CACNB4: variants seen among roughly 807,000 people sequenced by gnomAD.
CACNB4 encodes calcium voltage-gated channel auxiliary subunit beta 4.
Under a neutral mutation model 71.2 loss-of-function variants are expected in CACNB4, and 32 were observed. The ratio of observed to expected loss-of-function variants is 0.45; its 90% CI spans 0.34 to 0.60. The LOEUF (loss-of-function observed/expected upper bound fraction) is 0.60. CACNB4 is among the 20% of genes least tolerant of loss of function. CACNB4 has a pLI of 0.01. For synonymous variants in CACNB4, 231 were observed against 236.9 expected (o/e 0.97, Z 0.23); for missense variants, 464 against 647.9 (o/e 0.72, Z 3.08).
intron 2 of CACNB4, among the ~76,000 whole-genome samples, chr2:151,993,132 A>G (rs1304991503): frequency 6.9e-6 from 1 of 144,438 alleles, no homozygotes; most frequent in Non-Finnish European, 1.5e-5. Flanking sequence ...AGAGTCAGAG[A>G]CAGTAAGCCA....
At chr2:152,051,217 G>A (rs944470198) in intron 2 of CACNB4, among the ~76,000 whole-genome samples, 6 of 152,070 alleles carry the variant, frequency 3.9e-5, no homozygotes, top group Non-Finnish European at 8.8e-5. Flanking sequence ...CCTACCCAGC[G>A]GCCCAGCTTT....
At chr2:151,895,096 C>CCCA (rs762464510) in intron 2 of CACNB4, among the ~76,000 whole-genome samples, 2 of 22,288 alleles carry the variant, frequency 9.0e-5, no homozygotes, top group Admixed American at 8.4e-4. Flanking sequence ...TCAAATAGCC[C>CCCA]CACACACACA....
intron 2 of CACNB4, among the ~76,000 whole-genome samples, chr2:151,943,066 C>T (rs537478092): frequency 1.3e-5 from 2 of 152,176 alleles, no homozygotes; most frequent in East Asian, 3.9e-4. Flanking sequence ...GATCTTTGTA[C>T]CTACTCTCTG....
Position 151,876,574 on chromosome 2 carries a change from A to C in CACNB4, c.391-18T>G, listed in dbSNP as rs1294502888. The C allele has an allele frequency of 1.4e-6, 2 of 1,458,306 alleles. No individual in the cohort carries two copies. The highest frequency in any genetic ancestry group is 3.2e-5 in the African/African-American group (2 of 61,624). The allele number at this position is 1,458,306 out of a possible 1,614,324, so 90.3% of individuals were successfully genotyped here. A position where few individuals can be genotyped will look rare whatever the true frequency, so the allele number is the denominator to read the frequency against. On this transcript the variant is annotated intron_variant, in intron 4 of 13. Coordinates refer to ENST00000539935, the MANE Select transcript of CACNB4 (RefSeq NM_000726.5). The stretch of plus-strand genomic sequence containing the variant: ...TTATATTTCTGGAATTCAGAAATAA[A>C]ATTGCTATCAATAGTAATTCACTTA...
chr2:151,923,526 T>C (rs1053429676), intron 2 of CACNB4, among the ~76,000 whole-genome samples: 3 of 152,184 alleles, frequency 2.0e-5, no homozygotes, highest in African/African-American at 7.2e-5. Context: ...AGAAACTAGG[T>C]GCAGGGAGCT....
At chr2:151,907,375 T>A (rs557368922) in intron 2 of CACNB4, among the ~76,000 whole-genome samples, 23 of 152,320 alleles carry the variant, frequency 1.5e-4, no homozygotes, top group African/African-American at 5.5e-4. Context: ...AGAAAAAATA[T>A]AGGCTATCTT....
chr2:151,930,739 ACTC>A (rs1039606933), intron 2 of CACNB4, among the ~76,000 whole-genome samples: 80 of 151,696 alleles, frequency 5.3e-4, no homozygotes, highest in South Asian at 2.1e-4. Flanking sequence ...AACACTCTAT[ACTC>A]CTTTATTTTT....
Position 152,074,992 on chromosome 2 carries a change from A to G in CACNB4, c.147+23338T>C, listed in dbSNP as rs967344312. On this transcript the variant is annotated intron_variant, in intron 2 of 13. Coordinates refer to ENST00000539935, the MANE Select transcript of CACNB4 (RefSeq NM_000726.5). ...ACAGAGAAACAGGCAGAGGCTTTAA[A>G]ATGTCAGACTTCCCACCAGTCTCTG... Among the ~76,000 whole-genome samples, 4 of 152,290 alleles carry G rather than the reference A, an allele frequency of 2.6e-5. No individual in the cohort carries two copies. The East Asian group carries it at 7.7e-4, about 29-fold the overall frequency.
intron 2 of CACNB4, among the ~76,000 whole-genome samples, chr2:151,934,588 C>T (rs993024197): frequency 3.9e-5 from 6 of 152,152 alleles, no homozygotes; most frequent in African/African-American, 7.2e-5. Flanking sequence ...CCTGTAATCC[C>T]GGCACTTTGG....
chr2:151,896,984 T>C (rs2099852252), intron 2 of CACNB4, among the ~76,000 whole-genome samples: 1 of 152,136 alleles, frequency 6.6e-6, no homozygotes, highest in African/African-American at 2.4e-5. Context: ...TAACTAATAA[T>C]CATGCCCAGC....
At chr2:152,018,469 T>C (rs557724156) in intron 2 of CACNB4, among the ~76,000 whole-genome samples, 2 of 151,578 alleles carry the variant, frequency 1.3e-5, no homozygotes, top group Admixed American at 1.3e-4. Context: ...AAAGAAGGGG[T>C]AGTCAAATAT....
chr2:152,035,647 C>A (rs1169944690), intron 2 of CACNB4, among the ~76,000 whole-genome samples: 6 of 128,894 alleles, frequency 4.7e-5, no homozygotes, highest in African/African-American at 2.0e-4. Context: ...CTCTCTCTCT[C>A]TCTCTATATA....
At chr2:152,038,646 T>C (rs563950162) in intron 2 of CACNB4, among the ~76,000 whole-genome samples, 1 of 152,308 alleles carries the variant, frequency 6.6e-6, no homozygotes, top group African/African-American at 2.4e-5. Context: ...CCTTTTCCTC[T>C]TTCCACAAAA....
chr2:151,947,115 G>C (rs889489781), intron 2 of CACNB4, among the ~76,000 whole-genome samples: 1 of 152,168 alleles, frequency 6.6e-6, no homozygotes, highest in Non-Finnish European at 1.5e-5. Flanking sequence ...GAAAAGAATG[G>C]ATTAAACCGG....
At chr2:151,889,003 T>C (rs10180769) in intron 2 of CACNB4, among the ~76,000 whole-genome samples, 32,403 of 152,194 alleles carry the variant, frequency 0.21, 3,669 homozygotes, top group Middle Eastern at 0.39. Context: ...GAATTTTTAA[T>C]TTAATTTTTA....
chr2:151,927,382 T>A (rs767916420), intron 2 of CACNB4, among the ~76,000 whole-genome samples: 42 of 152,042 alleles, frequency 2.8e-4, no homozygotes, highest in Non-Finnish European at 4.0e-4. Flanking sequence ...CGTGCAGTTA[T>A]AGGAGAGAAG....
intron 2 of CACNB4, among the ~76,000 whole-genome samples, chr2:152,054,814 G>C (rs2105308369): frequency 6.6e-6 from 1 of 152,212 alleles, no homozygotes; most frequent in South Asian, 2.1e-4. Flanking sequence ...ATTTCCTCCT[G>C]GTGACTAATG....
At chr2:152,075,453 T>C (rs1163655282) in intron 2 of CACNB4, among the ~76,000 whole-genome samples, 3 of 152,216 alleles carry the variant, frequency 2.0e-5, no homozygotes, top group Non-Finnish European at 2.9e-5. Context: ...CAGATGAGGC[T>C]GTACAGAGGC....
intron 2 of CACNB4, chr2:151,973,603 G>T (rs1205921585): frequency 1.4e-6 from 2 of 1,423,288 alleles, no homozygotes; most frequent in Non-Finnish European, 2.0e-6. Context: ...AAGCGGGGGG[G>T]TGGAGGGGAT....
Sources: gnomAD v4.1 joint callset for allele counts (sites outside exome capture counted in the v4.1 genomes callset) on GRCh38, gnomAD v4.1.1 for gene constraint, MANE v1.5 for transcripts, NCBI Gene and HGNC (gene_info 2026-07-23, HGNC 2026-07-21) for gene names.